The following PHACTR2 variants were observed in gnomAD, a reference collection of about 807,000 sequenced individuals.
The protein encoded by PHACTR2 is phosphatase and actin regulator 2.
A neutral mutation model predicts 76.0 loss-of-function variants in PHACTR2; 30 were observed. That is an observed-to-expected ratio of 0.39 (90% confidence interval 0.30 to 0.54). The LOEUF (loss-of-function observed/expected upper bound fraction) is 0.54. Among genes scored for constraint, PHACTR2 ranks in the 20% least tolerant of loss-of-function variants. The probability of loss-of-function intolerance (pLI) is 0.61; values close to 1 mark genes in which losing one functional copy is unlikely to be tolerated. For missense variants in PHACTR2, 696 were observed against 781.1 expected (o/e 0.89, Z 1.30); for synonymous variants, 292 against 292.5 (o/e 1.00, Z 0.02).
chr6:143,767,558 C>G lies in PHACTR2; in HGVS notation c.1232+1760C>G, dbSNP rs1779588026. Among the ~76,000 whole-genome samples, 1 of 152,022 alleles carries G rather than the reference C, an allele frequency of 6.6e-6. No homozygotes were observed. The highest frequency in any genetic ancestry group is 2.4e-5 in the African/African-American group (1 of 41,382). ...ATTTTGTGCTGCTGTAATAGAGTAC[C>G]TGAGACTGGGTAATTTATAATGATT... On this transcript the variant is annotated intron_variant, in intron 6 of 12. Transcript: ENST00000440869. This position sits in a 1 kb window ranked among gnomAD's most constrained non-coding sequence, Gnocchi z 4.4.
rs755368724 is a variant in PHACTR2, at chr6:143,775,640, A to T, written c.1589+1425A>T. On this transcript the variant is annotated intron_variant, in intron 8 of 12. Transcript: ENST00000440869. This position sits in a 1 kb window ranked among gnomAD's most constrained non-coding sequence, Gnocchi z 4.4. ...TCTCCTGTTTTGTACTTTCTACTCT[A>T]TGTAAGAGAGTATATGCTTCTAGGT... Among the ~76,000 whole-genome samples the T allele has an allele frequency of 5.3e-5, 8 of 152,154 alleles. No individual in the cohort carries two copies. The highest frequency in any genetic ancestry group is 8.8e-5 in the Non-Finnish European group (6 of 68,022).
chr6:143,570,464 T>G lies in PHACTR2; in HGVS notation c.217+33257T>G, dbSNP rs528290913. Reference sequence around the variant, plus strand: ...ACATGGAAGTAAATATTATTGTTTTTGGGGGGTGACATCGACTGCATTTCA... The same window carrying G: ...ACATGGAAGTAAATATTATTGTTTTGGGGGGGTGACATCGACTGCATTTCA... On this transcript the variant is annotated intron_variant, in intron 1 of 11. Coordinates refer to the PHACTR2 transcript ENST00000367584. This position sits in a 1 kb window ranked among gnomAD's most constrained non-coding sequence, Gnocchi z 4.6. 1.0e-3 allele frequency among the ~76,000 whole-genome samples: 153 copies of G among 152,302 alleles called. 1 individual carries two copies. Among genetic ancestry groups the G allele is most frequent in the Middle Eastern group, 6.8e-3 (2 of 294 alleles).
intron 12 of PHACTR2, among the ~76,000 whole-genome samples, chr6:143,808,328 C>T (rs1327798905): frequency 1.3e-5 from 2 of 151,996 alleles, no homozygotes; most frequent in African/African-American, 4.8e-5. Context: ...AGGGTTTCAC[C>T]ATGTTGGTCC....
At chr6:143,644,263 C>T (rs1228650092) in intron 1 of PHACTR2, among the ~76,000 whole-genome samples, 2 of 151,948 alleles carry the variant, frequency 1.3e-5, no homozygotes, top group Non-Finnish European at 2.9e-5. Context: ...GTCAGGAGAT[C>T]GAGACCATCC....
rs1158431216 is a variant in PHACTR2 at position 143,800,388 on chromosome 6, A to G, written c.1846-6669A>G. Among the ~76,000 whole-genome samples the G allele has an allele frequency of 6.6e-6, 1 of 151,976 alleles. No individual in the cohort carries two copies. Among genetic ancestry groups the G allele is most frequent in the African/African-American group, 2.4e-5 (1 of 41,338 alleles). On this transcript the variant is annotated intron_variant, in intron 11 of 12. Transcript: ENST00000440869. This position sits in a 1 kb window ranked among gnomAD's most constrained non-coding sequence, Gnocchi z 4.8. Reference sequence around the variant, plus strand: ...CCTATTCTCCTGCCTCAGCCTCCTGAGTAGCTGGGACTACAGGTGCCCGCC... The same window carrying G: ...CCTATTCTCCTGCCTCAGCCTCCTGGGTAGCTGGGACTACAGGTGCCCGCC...
intron 2 of PHACTR2, among the ~76,000 whole-genome samples, chr6:143,720,382 G>T (rs1210863941): frequency 6.6e-6 from 1 of 152,154 alleles, no homozygotes; most frequent in Admixed American, 6.5e-5. Flanking sequence ...ATATGGGAGG[G>T]AGGTTACAGT....
At chr6:143,605,223 G>A (rs1376073109), upstream of PHACTR2, among the ~76,000 whole-genome samples, 1 of 152,094 alleles carries the variant, frequency 6.6e-6, no homozygotes, top group Non-Finnish European at 1.5e-5. This position sits in a 1 kb window ranked among gnomAD's most constrained non-coding sequence, Gnocchi z 5.0. Flanking sequence ...AATTACCCCA[G>A]CCTCAAACAA....
rs1562243286 is a variant in PHACTR2, at chr6:143,591,183, T to C, written c.217+53976T>C. Reference sequence around the variant, plus strand: ...CATTCCACGTTCATTTGCTTGGGAATACGTGACAGAGCTGAAGGCAGAGAA... The same window carrying C: ...CATTCCACGTTCATTTGCTTGGGAACACGTGACAGAGCTGAAGGCAGAGAA... On this transcript the variant is annotated intron_variant, in intron 1 of 11. Transcript: ENST00000367584. The surrounding 1 kb of genome is among the most constrained non-coding windows in gnomAD (Gnocchi z 6.4). Among the ~76,000 whole-genome samples, 2 of 152,150 alleles carry C rather than the reference T, an allele frequency of 1.3e-5. No homozygotes were observed. Among genetic ancestry groups the C allele is most frequent in the Non-Finnish European group, 2.9e-5 (2 of 68,018 alleles).
intron 6 of PHACTR2, among the ~76,000 whole-genome samples, chr6:143,771,194 GTATATATATATA>G (rs769993035): frequency 1.8e-3 from 74 of 40,480 alleles, no homozygotes; most frequent in African/African-American, 4.6e-3. Flanking sequence ...ATATATGTGT[GTATATATATATA>G]TATATATATA....
In PHACTR2 at chr6:143,598,700, C is replaced by T. The variant is rs951678401; in HGVS notation, c.217+61493C>T. On this transcript the variant is annotated intron_variant, in intron 1 of 11. Coordinates refer to the PHACTR2 transcript ENST00000367584. This position sits in a 1 kb window ranked among gnomAD's most constrained non-coding sequence, Gnocchi z 4.1. ...TATGTTAGAACCTGGTTAACCTTGA[C>T]TGTTATCCAGTGCCTTTCCTGGCTT... Among the ~76,000 whole-genome samples, 3 of 152,198 alleles carry T rather than the reference C, an allele frequency of 2.0e-5. No homozygotes were observed. Among genetic ancestry groups the T allele is most frequent in the Admixed American group, 6.5e-5 (1 of 15,286 alleles).
chr6:143,737,800 T>C (rs1432042192), intron 2 of PHACTR2, among the ~76,000 whole-genome samples: 1 of 152,210 alleles, frequency 6.6e-6, no homozygotes, highest in Admixed American at 6.5e-5. Context: ...TAGTTTATCT[T>C]TCCTGCTTTA....
chr6:143,582,623 A>G lies in PHACTR2; in HGVS notation c.217+45416A>G, dbSNP rs541419177. 3.9e-5 allele frequency among the ~76,000 whole-genome samples: 6 copies of G among 152,316 alleles called. No homozygotes were observed. In the East Asian group the frequency reaches 1.2e-3, roughly 29 times the overall value. On this transcript the variant is annotated intron_variant, in intron 1 of 11. Coordinates refer to the PHACTR2 transcript ENST00000367584. ...AACCTTCATATCTAAGAAAAGGGAAATGAATAAACAAACGATAGAAATTAC... is the reference window on the plus strand; with the variant it reads ...AACCTTCATATCTAAGAAAAGGGAAGTGAATAAACAAACGATAGAAATTAC...
chr6:143,608,030 C>T, upstream of PHACTR2: 2 of 469,304 alleles, frequency 4.3e-6, no homozygotes, highest in Non-Finnish European at 7.6e-6. This position sits in a 1 kb window ranked among gnomAD's most constrained non-coding sequence, Gnocchi z 4.6. Flanking sequence ...GATTTTTTTC[C>T]CCCTCCTTAG....
rs569078037 is a variant in PHACTR2 at position 143,812,307 on chromosome 6, T to C, written c.1922+5174T>C. Among the ~76,000 whole-genome samples the C allele has an allele frequency of 9.2e-5, 14 of 152,330 alleles. No homozygotes were observed. The Middle Eastern group carries it at 0.017, about 185-fold the overall frequency. ...TTGAATTTTTGAAACATTATGAATG[T>C]ATTACCTAGTCAAAAACAAACATTT... On this transcript the variant is annotated intron_variant, in intron 12 of 12. Coordinates refer to ENST00000440869, the MANE Select transcript of PHACTR2 (RefSeq NM_001100164.2).
At chr6:143,565,261 C>T (rs34960207) in intron 1 of PHACTR2, among the ~76,000 whole-genome samples, 90,230 of 151,768 alleles carry the variant, frequency 0.59, 27,276 homozygotes, top group Middle Eastern at 0.72. Context: ...TACAAAAATA[C>T]ATAATATGTT....
At chr6:143,649,749 G>A (rs1047510465) in intron 1 of PHACTR2, among the ~76,000 whole-genome samples, 1 of 152,134 alleles carries the variant, frequency 6.6e-6, no homozygotes, top group Non-Finnish European at 1.5e-5. Context: ...TACTGAATGG[G>A]AAAAGCTGGA....
intron 3 of PHACTR2, 73 bp downstream of exon 3, chr6:143,749,138 A>G (rs901959127): frequency 5.1e-6 from 4 of 782,566 alleles, no homozygotes; most frequent in South Asian, 3.0e-5. Flanking sequence ...TTTCTTTTGA[A>G]ATTTAAAGGG....
intron 11 of PHACTR2, among the ~76,000 whole-genome samples, chr6:143,792,080 C>T (rs973807943): frequency 1.3e-5 from 2 of 152,126 alleles, no homozygotes; most frequent in African/African-American, 2.4e-5. Flanking sequence ...ATTTATTAGA[C>T]CTGAGTGGGT....
chr6:143,783,103 G>T lies in PHACTR2; in HGVS notation c.1646-116G>T, dbSNP rs1775471191. 3.5e-5 allele frequency: 21 copies of T among 591,690 alleles called. No individual in the cohort carries two copies. The highest frequency in any genetic ancestry group is 3.5e-4 in the South Asian group (19 of 53,586). The allele number at this position is 591,690 out of a possible 1,614,324, so 36.7% of individuals were successfully genotyped here. ...ATTTTGACAACTTTTTAACAATGTTGGTTGTGTGTTTGATCATTATTTGTT... is the reference window on the plus strand; with the variant it reads ...ATTTTGACAACTTTTTAACAATGTTTGTTGTGTGTTTGATCATTATTTGTT... On this transcript the variant is annotated intron_variant, in intron 9 of 12. Transcript: ENST00000440869. This position sits in a 1 kb window ranked among gnomAD's most constrained non-coding sequence, Gnocchi z 5.2.
Sources: allele counts gnomAD v4.1 joint callset (sites outside exome capture counted in the v4.1 genomes callset), GRCh38; gene constraint gnomAD v4.1.1; non-coding constraint Gnocchi (gnomAD v3.1); transcripts MANE v1.5; gene names NCBI Gene and HGNC (gene_info 2026-07-23, HGNC 2026-07-21).